DDX24: variants seen among roughly 807,000 people sequenced by gnomAD.
DDX24 encodes ATP-dependent RNA helicase DDX24.
In DDX24, 24 loss-of-function variants were observed where a neutral mutation model predicts 68.9. That is an observed-to-expected ratio of 0.35 (90% CI 0.25 to 0.49). The LOEUF (loss-of-function observed/expected upper bound fraction) is 0.49, where lower values mean the gene tolerates loss of function less well. DDX24 is among the 20% of genes least tolerant of loss of function. DDX24 has a pLI of 0.99. For missense variants in DDX24, 989 were observed against 1,039.0 expected (o/e 0.95, Z 0.66); for synonymous variants, 395 against 385.2 (o/e 1.03, Z -0.30).
intron 2 of DDX24, among the ~76,000 whole-genome samples, chr14:94,074,013 A>T (rs1885886372): frequency 6.6e-6 from 1 of 151,254 alleles, no homozygotes; most frequent in Non-Finnish European, 1.5e-5. Context: ...ACTGCACTCC[A>T]GCCTGGGCAA....
chr14:94,059,281 T>C (rs1218775207), intron 5 of DDX24, among the ~76,000 whole-genome samples: 1 of 152,228 alleles, frequency 6.6e-6, no homozygotes, highest in Non-Finnish European at 1.5e-5. Flanking sequence ...GGCCCTCATC[T>C]TGACAATCTG....
chr14:94,059,012 T>C (rs562132600), intron 5 of DDX24, among the ~76,000 whole-genome samples: 8 of 152,202 alleles, frequency 5.3e-5, no homozygotes, highest in East Asian at 3.9e-4. Context: ...TAAGGTGGGA[T>C]TGCTTGAGCC....
chr14:94,055,121 C>G lies in DDX24; in HGVS notation c.2053G>C (p.Gly685Arg). 1 of 1,614,158 alleles carries G rather than the reference C, an allele frequency of 6.2e-7. No homozygotes were observed. Among genetic ancestry groups the G allele is most frequent in the Non-Finnish European group, 8.5e-7 (1 of 1,180,010 alleles). ...SGRTARATNE[G>R]LSLMLIGPED... Reference sequence around the variant, plus strand: ...GGCCCAATGAGCATCAGACTGAGGCCTTCATTGGTAGCTCGAGCAGTTCGA... The same window carrying G: ...GGCCCAATGAGCATCAGACTGAGGCGTTCATTGGTAGCTCGAGCAGTTCGA... The change falls in exon 7 of 9, where the codon GGC (glycine) becomes CGC (arginine). Residue 685 changes from glycine to arginine, a missense_variant. This residue lies in a region of DDX24 where 691 missense variants were observed against 760.0 expected (regional missense o/e 0.91). Coordinates refer to ENST00000621632, the MANE Select transcript of DDX24 (RefSeq NM_020414.4).
Position 94,051,187 on chromosome 14 carries a change from C to CCAGGG in DDX24, c.*3_*4insCCCTG, listed in dbSNP as rs35895367. The CCAGGG allele has an allele frequency of 0.1, 160,057 of 1,526,924 alleles. 12,488 individuals carry two copies. The highest frequency in any genetic ancestry group is 0.42 in the African/African-American group (29,989 of 71,810). 94.6% of individuals were successfully genotyped at this position (1,526,924 alleles called of 1,614,324 possible). A position where few individuals can be genotyped will look rare whatever the true frequency, so the allele number is the denominator to read the frequency against. ...AATGTGCAGTCACTGACACACTTGACCAGTTAATTTGCACTTGTACTTGGC... is the reference window on the plus strand; with the variant it reads ...AATGTGCAGTCACTGACACACTTGACCAGGGCAGTTAATTTGCACTTGTACTTGGC... On this transcript the variant is annotated 3_prime_UTR_variant, in exon 9 of 9. Transcript: ENST00000621632.
At position 94,079,724 on chromosome 14, in the gene DDX24, T is replaced by A; in HGVS notation, c.19A>T (p.Lys7Ter). Residue 7 changes from lysine (K) to a stop codon, truncating the protein, a stop_gained, in exon 2 of 9, where the codon AAA becomes TAA. Transcript: ENST00000621632. LOFTEE classifies it high-confidence loss of function. MKLKDT[K>*]SRPKQSSCGK... ...CAGCTTGACTGCTTTGGCCTTGATT[T>A]TGTGTCCTTCAACTTCATGGTTGCT... 4 of 1,613,968 alleles carry A rather than the reference T, an allele frequency of 2.5e-6. No homozygotes were observed. Among genetic ancestry groups the A allele is most frequent in the Non-Finnish European group, 3.4e-6 (4 of 1,179,948 alleles).
chr14:94,063,137 G>C (rs1042301032), intron 2 of DDX24, among the ~76,000 whole-genome samples: 1 of 152,172 alleles, frequency 6.6e-6, no homozygotes, highest in African/African-American at 2.4e-5. Flanking sequence ...AGAATTTAAA[G>C]AAGTTCCAAA....
rs145433649 is a variant in DDX24, at chr14:94,079,363, G to A, written c.380C>T (p.Ala127Val). 1.5e-3 allele frequency: 2,468 copies of A among 1,613,934 alleles called. 4 individuals are homozygous for A. Among genetic ancestry groups the A allele is most frequent in the Non-Finnish European group, 1.7e-3 (1,960 of 1,179,992 alleles). Residue 127 changes from alanine (A) to valine (V), a missense_variant, in exon 2 of 9, where the codon GCC (alanine) becomes GTC (valine). By Grantham distance (64) the Ala-to-Val change is moderately conservative. Coordinates refer to ENST00000621632, the MANE Select transcript of DDX24 (RefSeq NM_020414.4). Reference sequence around the variant, plus strand: ...ATCACAAACCATGTCATCTCCCTGGGCCTCCAGCTCAGGATCTTTCACTTC... The same window carrying A: ...ATCACAAACCATGTCATCTCCCTGGACCTCCAGCTCAGGATCTTTCACTTC... ...EFEVKDPELE[A>V]QGDDMVCDDP...
chr14:94,060,833 A>G (rs1464645679), intron 4 of DDX24, 80 bp downstream of exon 4: 6 of 1,567,076 alleles, frequency 3.8e-6, no homozygotes, highest in Admixed American at 1.8e-5. Flanking sequence ...CGATGAGAAG[A>G]AGGCATTGCC....
intron 2 of DDX24, among the ~76,000 whole-genome samples, chr14:94,075,129 C>T (rs915591928): frequency 2.0e-5 from 3 of 152,136 alleles, no homozygotes; most frequent in South Asian, 2.1e-4. Flanking sequence ...TATCAGCTTA[C>T]TTTTTTTGTA....
At chr14:94,080,349 T>A (rs565567349) in intron 1 of DDX24, among the ~76,000 whole-genome samples, 7 of 152,182 alleles carry the variant, frequency 4.6e-5, no homozygotes, top group Admixed American at 4.6e-4. Flanking sequence ...ATATTTTAAG[T>A]GGCTTAATGG....
chr14:94,068,933 C>T (rs1885770995), intron 2 of DDX24, among the ~76,000 whole-genome samples: 1 of 152,080 alleles, frequency 6.6e-6, no homozygotes, highest in Admixed American at 6.5e-5. Context: ...AACAGACAAT[C>T]TAAGGTCACA....
At chr14:94,065,757 CAGG>C (rs1359579322) in intron 2 of DDX24, among the ~76,000 whole-genome samples, 3 of 152,168 alleles carry the variant, frequency 2.0e-5, no homozygotes, top group Admixed American at 6.5e-5. Context: ...GGTCTGTTTG[CAGG>C]AGAAGTTTCT....
intron 2 of DDX24, among the ~76,000 whole-genome samples, chr14:94,075,862 G>T (rs1373622350): frequency 2.0e-5 from 3 of 152,102 alleles, no homozygotes; most frequent in Admixed American, 2.0e-4. Flanking sequence ...AGACAAATAA[G>T]CATATGCTAA....
intron 2 of DDX24, among the ~76,000 whole-genome samples, chr14:94,070,149 A>G (rs983182108): frequency 6.6e-6 from 1 of 152,218 alleles, no homozygotes; most frequent in Non-Finnish European, 1.5e-5. Flanking sequence ...TAAAACTGAT[A>G]AACAATTCAG....
rs1885514765 is a variant in DDX24 at position 94,057,636 on chromosome 14, C to T, written c.1989+186G>A. ...AAGGGCTACTTGACATGAGACAAAG[C>T]AAGGTTTTCTGGAGACCAAATCTCA... is the stretch of plus-strand genomic sequence containing the variant. On this transcript the variant is annotated intron_variant, in intron 6 of 8. Transcript: ENST00000621632. 3 of 551,662 alleles carry T rather than the reference C, an allele frequency of 5.4e-6. No homozygotes were observed. In the East Asian group the frequency reaches 9.4e-5, roughly 17 times the overall value. The allele number at this position is 551,662 out of a possible 1,614,324, so 34.2% of individuals were successfully genotyped here. A position where few individuals can be genotyped will look rare whatever the true frequency, so the allele number is the denominator to read the frequency against.
At chr14:94,072,687 G>A (rs566148607) in intron 2 of DDX24, among the ~76,000 whole-genome samples, 47 of 149,994 alleles carry the variant, frequency 3.1e-4, no homozygotes, top group Middle Eastern at 6.8e-3. Context: ...AAAAGTAGCC[G>A]GGCATGGTGG....
chr14:94,049,750 C>G lies in DDX24; in HGVS notation c.*1441G>C, dbSNP rs1668142292. ...TCTCTACTAAAAAAAAAAAATTCAG[C>G]CAGGTGTGGTGGTGTGTGCCTGTAG... On this transcript the variant is annotated 3_prime_UTR_variant, in exon 9 of 9. Coordinates refer to ENST00000621632, the MANE Select transcript of DDX24 (RefSeq NM_020414.4). The G allele has an allele frequency of 6.6e-6, 1 of 151,078 alleles. No homozygotes were observed. The highest frequency in any genetic ancestry group is 2.4e-5 in the African/African-American group (1 of 40,858). The allele number at this position is 151,078 out of a possible 1,614,324, so 9.4% of individuals were successfully genotyped here.
chr14:94,077,389 TA>T lies in DDX24; in HGVS notation c.718+1635del, dbSNP rs536974435. 3.3e-5 allele frequency among the ~76,000 whole-genome samples: 5 copies of T among 152,374 alleles called. No individual in the cohort carries two copies. The East Asian group carries it at 9.6e-4, about 29-fold the overall frequency. ...CAATCTCTGGCCACAACGGCTCATA[TA>T]AACCTTGTTTCTGCCTTCCACGGAC... On this transcript the variant is annotated intron_variant, in intron 2 of 8. Coordinates refer to ENST00000621632, the MANE Select transcript of DDX24 (RefSeq NM_020414.4).
Position 94,049,760 on chromosome 14 carries a change from T to C in DDX24, c.*1431A>G, listed in dbSNP as rs1885353081. ...AAAAAAAAAATTCAGCCAGGTGTGG[T>C]GGTGTGTGCCTGTAGTCCCAGCTAC... On this transcript the variant is annotated 3_prime_UTR_variant, in exon 9 of 9. Transcript: ENST00000621632. The C allele has an allele frequency of 6.7e-6, 1 of 150,298 alleles. No individual in the cohort carries two copies. The highest frequency in any genetic ancestry group is 1.9e-4 in the East Asian group (1 of 5,138). The allele number at this position is 150,298 out of a possible 1,614,324, so 9.3% of individuals were successfully genotyped here. A position where few individuals can be genotyped will look rare whatever the true frequency, so the allele number is the denominator to read the frequency against.
Sources: allele counts gnomAD v4.1 joint callset (sites outside exome capture counted in the v4.1 genomes callset), GRCh38; gene constraint gnomAD v4.1.1; regional missense constraint gnomAD v4.1.1; transcripts MANE v1.5; gene names NCBI Gene and HGNC (gene_info 2026-07-23, HGNC 2026-07-21).